Variants in ARSB observed in about 807,000 individuals in gnomAD.
ARSB encodes N-acetylgalactosamine-4-sulfatase.
Under a neutral mutation model 50.9 loss-of-function variants are expected in ARSB, and 41 were observed. That is an observed-to-expected ratio of 0.81 (90% CI 0.63 to 1.04). The LOEUF is 1.04. Ranked by LOEUF, ARSB falls within the 50% of genes least tolerant of loss-of-function variation. ARSB has a pLI of 0.00. For missense variants in ARSB, 672 were observed against 693.3 expected (o/e 0.97, Z 0.35); for synonymous variants, 269 against 284.8 (o/e 0.94, Z 0.56).
chr5:78,786,968 A>AT (rs2112625910), intron 6 of ARSB, among the ~76,000 whole-genome samples: 1 of 151,950 alleles, frequency 6.6e-6, no homozygotes, highest in Non-Finnish European at 1.5e-5. Context: ...CTGAGAGAGT[A>AT]TTTTTTTCCT....
chr5:78,868,712 C>CA (rs1241749565), intron 5 of ARSB, among the ~76,000 whole-genome samples: 2 of 143,994 alleles, frequency 1.4e-5, no homozygotes, highest in Non-Finnish European at 3.1e-5. Context: ...AAAATCATGC[C>CA]AAAATGTAAA....
chr5:78,924,920 T>C (rs1580068954), intron 4 of ARSB, among the ~76,000 whole-genome samples: 1 of 152,312 alleles, frequency 6.6e-6, no homozygotes, highest in African/African-American at 2.4e-5. Flanking sequence ...TATATATACA[T>C]GACAGGGAGA....
In ARSB at chr5:78,777,725, T is replaced by C. The variant is rs886060780; in HGVS notation, c.*2672A>G. 7.9e-5 allele frequency: 12 copies of C among 151,674 alleles called. No individual in the cohort carries two copies. The highest frequency in any genetic ancestry group is 2.7e-4 in the African/African-American group (11 of 41,244). 9.4% of individuals were successfully genotyped at this position (151,674 alleles called of 1,614,324 possible). ...AAACATAGCCAGGCGTGGTGGTGTA[T>C]GCCTGTAATCCAGCTACTTGGGAGG... is the stretch of plus-strand genomic sequence containing the variant. On this transcript the variant is annotated 3_prime_UTR_variant, in exon 8 of 8. Transcript: ENST00000264914.
At chr5:78,846,818 G>T (rs967511426) in intron 5 of ARSB, among the ~76,000 whole-genome samples, 4 of 152,140 alleles carry the variant, frequency 2.6e-5, no homozygotes, top group African/African-American at 9.7e-5. Flanking sequence ...GAGCATCGTT[G>T]TCTTGTTTCA....
At chr5:78,976,945 C>G (rs1752695927) in intron 1 of ARSB, among the ~76,000 whole-genome samples, 1 of 152,136 alleles carries the variant, frequency 6.6e-6, no homozygotes, top group South Asian at 2.1e-4. Flanking sequence ...CTCGTTCCAG[C>G]CTCAAGAGCT....
rs536414547 is a variant in ARSB, at chr5:78,815,040, A to C, written c.1213+24316T>G. ...AAACTAAAACAACAAAACCAACCAA[A>C]CAAACAAAAAACAATGTGCAAAGTT... On this transcript the variant is annotated intron_variant, in intron 6 of 7. Coordinates refer to ENST00000264914, the MANE Select transcript of ARSB (RefSeq NM_000046.5). Among the ~76,000 whole-genome samples, 22 of 150,880 alleles carry C rather than the reference A, an allele frequency of 1.5e-4. 5 individuals carry two copies. Among genetic ancestry groups the C allele is most frequent in the African/African-American group, 5.1e-4 (21 of 40,842 alleles).
intron 5 of ARSB, among the ~76,000 whole-genome samples, chr5:78,879,488 T>C (rs1747643672): frequency 6.6e-6 from 1 of 152,236 alleles, no homozygotes; most frequent in Admixed American, 6.5e-5. Flanking sequence ...TAAGAGAAAT[T>C]TGTAACTATA....
At chr5:78,835,779 G>A (rs535569127) in intron 6 of ARSB, among the ~76,000 whole-genome samples, 4 of 152,266 alleles carry the variant, frequency 2.6e-5, no homozygotes, top group Admixed American at 2.6e-4. Flanking sequence ...TGAAGCCAGA[G>A]GGACCTTGGA....
intron 1 of ARSB, among the ~76,000 whole-genome samples, chr5:78,984,706 G>A (rs1018307007): frequency 8.5e-5 from 13 of 152,152 alleles, no homozygotes; most frequent in African/African-American, 2.9e-4. Flanking sequence ...GCCCAACCCG[G>A]CGGCCGGGGC....
chr5:78,951,382 C>T (rs774633413), intron 4 of ARSB, among the ~76,000 whole-genome samples: 12 of 151,882 alleles, frequency 7.9e-5, no homozygotes, highest in Non-Finnish European at 1.6e-4. Context: ...GAAACAGAGA[C>T]AGCATTGCAA....
At chr5:78,913,325 C>T (rs961449125) in intron 4 of ARSB, among the ~76,000 whole-genome samples, 1 of 152,048 alleles carries the variant, frequency 6.6e-6, no homozygotes, top group Non-Finnish European at 1.5e-5. Context: ...GGGGTTTCAC[C>T]GTGTTAGCCA....
At chr5:78,973,286 G>C (rs1307989007) in intron 1 of ARSB, among the ~76,000 whole-genome samples, 1 of 152,166 alleles carries the variant, frequency 6.6e-6, no homozygotes. Flanking sequence ...AGTCCAAGGG[G>C]TTACTTCCCT....
At chr5:78,961,842 T>A (rs912298332) in intron 3 of ARSB, among the ~76,000 whole-genome samples, 2 of 151,890 alleles carry the variant, frequency 1.3e-5, no homozygotes, top group Admixed American at 1.3e-4. Context: ...CAGGTGTCAG[T>A]GATGACTGCA....
intron 1 of ARSB, among the ~76,000 whole-genome samples, chr5:78,982,920 G>A (rs1233130713): frequency 1.3e-5 from 2 of 152,174 alleles, no homozygotes; most frequent in Non-Finnish European, 1.5e-5. Context: ...AGAGTGCCCA[G>A]CTTCTCTACT....
At position 78,969,051 on chromosome 5, in the gene ARSB, G is replaced by A. The variant is rs991104525; in HGVS notation, c.454C>T (p.Arg152Trp). Reference protein sequence around the residue: ...MVGKWHLGMYRKECLPTRRGF... With the variant: ...MVGKWHLGMYWKECLPTRRGF... ...CGGCGGGTTGGAAGGCATTCTTTCC[G>A]GTACATTCCCAGGTGCCATTTTCCG... Residue 152 changes from arginine (R) to tryptophan (W), a missense_variant, in exon 2 of 8, where the codon CGG becomes TGG. Physicochemically the swap from Arg to Trp is moderately radical, Grantham distance 101. Coordinates refer to ENST00000264914, the MANE Select transcript of ARSB (RefSeq NM_000046.5). 71 of 1,614,012 alleles carry A rather than the reference G, an allele frequency of 4.4e-5. No individual in the cohort carries two copies. The highest frequency in any genetic ancestry group is 5.7e-5 in the Non-Finnish European group (67 of 1,180,030).
intron 6 of ARSB, among the ~76,000 whole-genome samples, chr5:78,836,635 G>T (rs1328507510): frequency 6.6e-6 from 1 of 152,182 alleles, no homozygotes. Context: ...TTACTCTGGA[G>T]AAACCTTTTG....
intron 6 of ARSB, among the ~76,000 whole-genome samples, chr5:78,800,293 G>A (rs960617390): frequency 3.3e-5 from 5 of 150,852 alleles, no homozygotes; most frequent in African/African-American, 7.4e-5. Context: ...ACTCCAGCCC[G>A]GGTGACAGAG....
In ARSB at chr5:78,786,938, T is replaced by G. The variant is rs563294248; in HGVS notation, c.1214-4964A>C. ...ATCCTTTTGTATATAGATATCTCAG[T>G]TGTCTCCAGAACCATTTGTCTGAGA... On this transcript the variant is annotated intron_variant, in intron 6 of 7. Transcript: ENST00000264914. 2.6e-5 allele frequency among the ~76,000 whole-genome samples: 4 copies of G among 152,132 alleles called. No individual in the cohort carries two copies. The East Asian group carries it at 5.8e-4, about 22-fold the overall frequency.
rs1161088764 is a variant in ARSB, at chr5:78,780,401, A to C, written c.1598T>G (p.Met533Arg). ...TTTTCTAGCCTCCCTGAAATCCTAC[A>C]TCCAAGGGCCCCACACCCCAGTGGC... ...PKATGVWGPW[M>R] Residue 533 changes from methionine to arginine, a missense_variant, in exon 8 of 8, where the codon ATG becomes AGG. Coordinates refer to ENST00000264914, the MANE Select transcript of ARSB (RefSeq NM_000046.5). 6.2e-7 allele frequency: 1 copy of C among 1,614,106 alleles called. No individual in the cohort carries two copies. The highest frequency in any genetic ancestry group is 8.5e-7 in the Non-Finnish European group (1 of 1,180,010).
Sources: allele counts gnomAD v4.1 joint callset (sites outside exome capture counted in the v4.1 genomes callset), GRCh38; gene constraint gnomAD v4.1.1; transcripts MANE v1.5; gene names NCBI Gene and HGNC (gene_info 2026-07-23, HGNC 2026-07-21).